Variants in NFATC2 observed in about 807,000 individuals in gnomAD.
NFATC2 encodes nuclear factor of activated T-cells, cytoplasmic 2.
NFATC2 carries 22 observed loss-of-function variants against 87.3 expected under a neutral mutation model. The observed-to-expected ratio is 0.25, with a 90% CI of 0.18 to 0.36. The LOEUF (loss-of-function observed/expected upper bound fraction) is 0.36. Ranked by LOEUF, NFATC2 falls within the 10% of genes least tolerant of loss-of-function variation. The probability of loss-of-function intolerance (pLI) is 1.00; values close to 1 mark genes in which losing one functional copy is unlikely to be tolerated. For missense variants in NFATC2, 1,149 were observed against 1,259.1 expected, an observed-to-expected ratio of 0.91 and a Z score of 1.32; for synonymous variants, 565 against 542.2, an observed-to-expected ratio of 1.04 and a Z score of -0.58.
chr20:51,498,953 G>A (rs574883924), intron 3 of NFATC2, among the ~76,000 whole-genome samples: 270 of 152,314 alleles, frequency 1.8e-3, no homozygotes, highest in African/African-American at 6.3e-3. Flanking sequence ...AAAGGCACGT[G>A]CAAAGGCCCT....
intron 3 of NFATC2, among the ~76,000 whole-genome samples, chr20:51,487,088 A>T (rs571733150): frequency 6.6e-6 from 1 of 152,332 alleles, no homozygotes; most frequent in East Asian, 1.9e-4. Flanking sequence ...TCCTTCAGAA[A>T]CATTTCTCCC....
chr20:51,408,942 C>A (rs1323473758), intron 9 of NFATC2, among the ~76,000 whole-genome samples: 5 of 152,162 alleles, frequency 3.3e-5, no homozygotes, highest in African/African-American at 1.2e-4. Flanking sequence ...AGTGACCTGA[C>A]AACACATCAT....
intron 9 of NFATC2, among the ~76,000 whole-genome samples, chr20:51,410,950 A>C (rs1979134669): frequency 6.6e-6 from 1 of 152,074 alleles, no homozygotes; most frequent in Non-Finnish European, 1.5e-5. Flanking sequence ...GCACCTACCA[A>C]TTTACCTGGC....
rs557672025 is a variant in NFATC2 at position 51,521,816 on chromosome 20, A to G, written c.1160+1265T>C. 3.3e-5 allele frequency among the ~76,000 whole-genome samples: 5 copies of G among 152,378 alleles called. No homozygotes were observed. The East Asian group carries it at 9.6e-4, about 29-fold the overall frequency. ...TTCATCAAAATGAAGATAAAAAATA[A>G]TACAAACCAAGTTTCTGTGAGAATC... On this transcript the variant is annotated intron_variant, in intron 2 of 10. Coordinates refer to ENST00000371564, the MANE Select transcript of NFATC2 (RefSeq NM_012340.5).
intron 3 of NFATC2, among the ~76,000 whole-genome samples, chr20:51,505,415 C>T (rs1420842847): frequency 6.6e-6 from 1 of 151,470 alleles, no homozygotes; most frequent in Non-Finnish European, 1.5e-5. Context: ...CACACAAATA[C>T]ATATCGGTGT....
At chr20:51,415,423 T>A (rs4239665) in intron 9 of NFATC2, among the ~76,000 whole-genome samples, 1 of 152,026 alleles carries the variant, frequency 6.6e-6, no homozygotes, top group Non-Finnish European at 1.5e-5. Context: ...AGCAGGTATC[T>A]GGATGGACCC....
chr20:51,523,985 A>G lies in NFATC2; in HGVS notation c.256T>C (p.Phe86Leu). 1.3e-6 allele frequency: 2 copies of G among 1,575,208 alleles called. No homozygotes were observed. Among genetic ancestry groups the G allele is most frequent in the South Asian group, 2.3e-5 (2 of 85,226 alleles). The change falls in exon 2 of 11, where the codon TTC (phenylalanine) becomes CTC (leucine). Residue 86 changes from phenylalanine (F) to leucine (L), a missense_variant. This residue lies in a region of NFATC2 where 563 missense variants were observed against 585.2 expected (regional missense o/e 0.96). Transcript: ENST00000371564. The surrounding 1 kb of genome is among the most constrained non-coding windows in gnomAD (Gnocchi z 6.9). ...ASLSGEPPGR[F>L]GEPDRVGPQK... is the part of the protein sequence containing the mutation. ...GGCCCTACCCTATCCGGCTCTCCGA[A>G]TCGGCCGGGGGGCTCGCCAGAGAGA...
chr20:51,475,405 C>A, intron 4 of NFATC2, 53 bp downstream of exon 4: 1 of 1,578,808 alleles, frequency 6.3e-7, no homozygotes, highest in Non-Finnish European at 8.7e-7. Flanking sequence ...CTGCCACCTG[C>A]CCCCTGCTCG....
At chr20:51,493,896 C>T (rs532927151) in intron 3 of NFATC2, among the ~76,000 whole-genome samples, 31 of 152,254 alleles carry the variant, frequency 2.0e-4, no homozygotes, top group Admixed American at 4.6e-4. Context: ...GTCTCAGATC[C>T]GAGACTGGTT....
intron 10 of NFATC2, among the ~76,000 whole-genome samples, chr20:51,392,132 A>G (rs947741612): frequency 3.3e-5 from 5 of 152,216 alleles, no homozygotes; most frequent in African/African-American, 4.8e-5. Context: ...TGCCTATTAC[A>G]TGATTAAGTC....
upstream of NFATC2, among the ~76,000 whole-genome samples, chr20:51,545,616 G>A (rs530020274): frequency 5.9e-5 from 9 of 151,990 alleles, no homozygotes; most frequent in African/African-American, 2.2e-4. Context: ...GAATAGATGG[G>A]TGGATGGATG....
intron 3 of NFATC2, among the ~76,000 whole-genome samples, chr20:51,484,652 C>T (rs929109439): frequency 4.6e-5 from 7 of 152,254 alleles, no homozygotes; most frequent in Admixed American, 3.9e-4. Flanking sequence ...ACACCGGCTT[C>T]TCTCCAGCTT....
At chr20:51,516,378 G>GTATA (rs2076351639) in intron 3 of NFATC2, among the ~76,000 whole-genome samples, 1 of 152,178 alleles carries the variant, frequency 6.6e-6, no homozygotes, top group African/African-American at 2.4e-5. Context: ...GTTTGATAAT[G>GTATA]TATAGTTTTA....
chr20:51,546,814 T>G (rs973094046), upstream of NFATC2, among the ~76,000 whole-genome samples: 1 of 152,236 alleles, frequency 6.6e-6, no homozygotes, highest in East Asian at 1.9e-4. Flanking sequence ...AAGGCTGCCC[T>G]AGGGAGGCGA....
rs1986098901 is a variant in NFATC2 at position 51,389,519 on chromosome 20, A to G, written c.*1977T>C. The G allele has an allele frequency of 6.6e-6, 1 of 152,214 alleles. No homozygotes were observed. Among genetic ancestry groups the G allele is most frequent in the African/African-American group, 2.4e-5 (1 of 41,458 alleles). The allele number at this position is 152,214 out of a possible 1,614,324, so 9.4% of individuals were successfully genotyped here. Reference sequence around the variant, plus strand: ...AAGGAACTTATTTTGTTCATGAGGAAGTATTTAGCATCCCAGAAGTTCCAT... The same window carrying G: ...AAGGAACTTATTTTGTTCATGAGGAGGTATTTAGCATCCCAGAAGTTCCAT... On this transcript the variant is annotated 3_prime_UTR_variant, in exon 11 of 11. Coordinates refer to ENST00000371564, the MANE Select transcript of NFATC2 (RefSeq NM_012340.5).
At chr20:51,394,572 C>G (rs1278888703) in intron 10 of NFATC2, among the ~76,000 whole-genome samples, 2 of 152,162 alleles carry the variant, frequency 1.3e-5, no homozygotes, top group Non-Finnish European at 2.9e-5. Flanking sequence ...CTCACTATCC[C>G]CTGCTGCGCT....
chr20:51,470,757 C>T (rs921622254), intron 5 of NFATC2, among the ~76,000 whole-genome samples: 1 of 152,212 alleles, frequency 6.6e-6, no homozygotes, highest in Non-Finnish European at 1.5e-5. Context: ...TTACTGACTA[C>T]CTCCCTGTGG....
intron 5 of NFATC2, among the ~76,000 whole-genome samples, chr20:51,463,773 CGA>C (rs930030802): frequency 2.6e-5 from 4 of 152,254 alleles, no homozygotes; most frequent in African/African-American, 9.6e-5. Flanking sequence ...TCAAATGCTT[CGA>C]ACAAATGAAC....
intron 5 of NFATC2, among the ~76,000 whole-genome samples, chr20:51,464,726 G>A (rs1054845972): frequency 2.0e-5 from 3 of 152,224 alleles, no homozygotes; most frequent in African/African-American, 7.2e-5. Flanking sequence ...CCTTGAGTTG[G>A]TCTCTGATTT....
Sources: allele counts gnomAD v4.1 joint callset (sites outside exome capture counted in the v4.1 genomes callset), GRCh38; gene constraint gnomAD v4.1.1; regional missense constraint gnomAD v4.1.1; non-coding constraint Gnocchi (gnomAD v3.1); transcripts MANE v1.5; gene names NCBI Gene and HGNC (gene_info 2026-07-23, HGNC 2026-07-21).